SLC30A5: variants seen among roughly 807,000 people sequenced by gnomAD.
SLC30A5 encodes the protein solute carrier family 30 member 5, also known as proton-coupled zinc antiporter SLC30A5.
SLC30A5 carries 33 observed loss-of-function variants against 79.6 expected under a neutral mutation model. That is an observed-to-expected ratio of 0.41 (90% CI 0.31 to 0.55). The LOEUF is 0.55. Among genes scored for constraint, SLC30A5 ranks in the 20% least tolerant of loss-of-function variants. The pLI, the probability that SLC30A5 is intolerant of heterozygous loss-of-function variation, is 0.20. For synonymous variants in SLC30A5, 299 were observed against 319.7 expected (o/e 0.94, Z 0.69); for missense variants, 788 against 928.1 (o/e 0.85, Z 1.96).
At chr5:69,125,579 T>G (rs1746657714) in intron 14 of SLC30A5, among the ~76,000 whole-genome samples, 2 of 150,290 alleles carry the variant, frequency 1.3e-5, no homozygotes, top group Non-Finnish European at 3.0e-5. Flanking sequence ...CTCAGGCCTG[T>G]AATCCCAGCA....
intron 12 of SLC30A5, among the ~76,000 whole-genome samples, chr5:69,119,180 C>T (rs1746469666): frequency 6.6e-6 from 1 of 152,044 alleles, no homozygotes; most frequent in South Asian, 2.1e-4. Flanking sequence ...ATGTCCTTTC[C>T]TTACTTCTGC....
At chr5:69,123,863 C>T (rs1746600074) in intron 14 of SLC30A5, among the ~76,000 whole-genome samples, 1 of 151,980 alleles carries the variant, frequency 6.6e-6, no homozygotes, top group Non-Finnish European at 1.5e-5. Context: ...TCCTACTTTG[C>T]AATTATAAAG....
chr5:69,128,832 T>C (rs192305762), intron 15 of SLC30A5, among the ~76,000 whole-genome samples: 177 of 152,336 alleles, frequency 1.2e-3, no homozygotes, highest in South Asian at 2.1e-3. Context: ...ACTAAAGCCC[T>C]GTTCTAGATG....
At chr5:69,100,334 C>T (rs1318762160) in intron 1 of SLC30A5, among the ~76,000 whole-genome samples, 3 of 152,190 alleles carry the variant, frequency 2.0e-5, no homozygotes, top group South Asian at 2.1e-4. Context: ...CAGCTCACTG[C>T]AACCTCAACC....
rs1746536367 is a variant in SLC30A5 at position 69,121,684 on chromosome 5, CT to C, written c.1570-6del. ...ACTAATTTAAAGGTTTTTTTTCTCC[CT>C]TTTGCTAGCCAGTCTCAGTTGGAGG... On this transcript the variant is annotated splice_polypyrimidine_tract_variant and intron_variant, in intron 12 of 15. Coordinates refer to ENST00000396591, the MANE Select transcript of SLC30A5 (RefSeq NM_022902.5). 1 of 1,574,044 alleles carries C rather than the reference CT, an allele frequency of 6.4e-7. No homozygotes were observed. Among genetic ancestry groups the C allele is most frequent in the Non-Finnish European group, 8.6e-7 (1 of 1,161,452 alleles).
chr5:69,127,977 A>G, intron 14 of SLC30A5, 27 bp from the exon 15 acceptor site: 2 of 1,593,426 alleles, frequency 1.3e-6, no homozygotes, highest in Non-Finnish European at 1.7e-6. Flanking sequence ...CTGTATGACC[A>G]TTTATATCAC....
intron 12 of SLC30A5, among the ~76,000 whole-genome samples, chr5:69,120,224 A>G (rs1746499350): frequency 1.3e-5 from 2 of 151,846 alleles, no homozygotes; most frequent in African/African-American, 4.8e-5. Context: ...GTACTAGTGA[A>G]AAACAAATTG....
chr5:69,106,673 T>A (rs10434547), intron 4 of SLC30A5, among the ~76,000 whole-genome samples: 21,749 of 152,086 alleles, frequency 0.14, 2,150 homozygotes, highest in East Asian at 0.23. Context: ...TGGTGCTGCG[T>A]GCCTGTAATC....
rs775497193 is a variant in SLC30A5, at chr5:69,116,267, G to T, written c.1072+53G>T. ...TAACAAATTTCTATTTATGGATTTT[G>T]ATGGTCACATCATTTACTTATTTTG... is the stretch of plus-strand genomic sequence containing the variant. On this transcript the variant is annotated intron_variant, in intron 9 of 15. Transcript: ENST00000396591. The surrounding 1 kb of genome is among the most constrained non-coding windows in gnomAD (Gnocchi z 4.0). 5 of 1,517,860 alleles carry T rather than the reference G, an allele frequency of 3.3e-6. No individual in the cohort carries two copies. In the East Asian group the frequency reaches 9.2e-5, roughly 28 times the overall value. 94.0% of individuals were successfully genotyped at this position (1,517,860 alleles called of 1,614,324 possible).
At chr5:69,096,296 A>G (rs184726765) in intron 1 of SLC30A5, among the ~76,000 whole-genome samples, 13 of 152,352 alleles carry the variant, frequency 8.5e-5, no homozygotes, top group African/African-American at 3.1e-4. Context: ...GTCCAGGTAA[A>G]GGATATACTA....
Position 69,094,189 on chromosome 5 carries a change from C to G in SLC30A5, c.-67C>G. 1 of 851,200 alleles carries G rather than the reference C, an allele frequency of 1.2e-6. No homozygotes were observed. Among genetic ancestry groups the G allele is most frequent in the African/African-American group, 1.8e-5 (1 of 56,900 alleles). The allele number at this position is 851,200 out of a possible 1,614,324, so 52.7% of individuals were successfully genotyped here. A position where few individuals can be genotyped will look rare whatever the true frequency, so the allele number is the denominator to read the frequency against. Reference sequence around the variant, plus strand: ...AGTGACGCGCCTGCACCCGCTGTTCCGCGGCAGCGGCGAGACATGAGGAGA... The same window carrying G: ...AGTGACGCGCCTGCACCCGCTGTTCGGCGGCAGCGGCGAGACATGAGGAGA... On this transcript the variant is annotated 5_prime_UTR_variant, in exon 1 of 16. Transcript: ENST00000396591.
At chr5:69,105,139 T>C (rs922133880) in intron 4 of SLC30A5, among the ~76,000 whole-genome samples, 5 of 152,194 alleles carry the variant, frequency 3.3e-5, no homozygotes, top group African/African-American at 1.2e-4. Flanking sequence ...CATAAATAAA[T>C]GTCTCAGAAG....
chr5:69,121,467 C>T (rs1284243688), intron 12 of SLC30A5, among the ~76,000 whole-genome samples: 3 of 151,972 alleles, frequency 2.0e-5, no homozygotes, highest in African/African-American at 7.2e-5. Flanking sequence ...GTCCAAATTC[C>T]TCTACTTACC....
At chr5:69,112,828 A>G (rs1011192958) in intron 5 of SLC30A5, among the ~76,000 whole-genome samples, 2 of 152,162 alleles carry the variant, frequency 1.3e-5, no homozygotes, top group African/African-American at 4.8e-5. Context: ...TGGGCTTTTC[A>G]ACCAGAAGTA....
At chr5:69,117,664 G>T (rs931002543) in intron 11 of SLC30A5, among the ~76,000 whole-genome samples, 1 of 150,054 alleles carries the variant, frequency 6.7e-6, no homozygotes, top group Non-Finnish European at 1.5e-5. Context: ...ATCACCTGAG[G>T]TCAGGAGTTC....
Position 69,129,225 on chromosome 5 carries a change from T to C in SLC30A5, c.2128-222T>C, listed in dbSNP as rs1252516613. On this transcript the variant is annotated intron_variant, in intron 15 of 15. Transcript: ENST00000396591. ...TTAATACTCGCATTACGCTTACCAGTTGAGCATCCCTAATCTGAAAATCCA... is the reference window on the plus strand; with the variant it reads ...TTAATACTCGCATTACGCTTACCAGCTGAGCATCCCTAATCTGAAAATCCA... Among the ~76,000 whole-genome samples, 5 of 152,186 alleles carry C rather than the reference T, an allele frequency of 3.3e-5. No individual in the cohort carries two copies. In the East Asian group the frequency reaches 9.6e-4, roughly 29 times the overall value.
chr5:69,113,035 A>T, intron 5 of SLC30A5, 105 bp from the exon 6 acceptor site: 1 of 875,820 alleles, frequency 1.1e-6, no homozygotes, highest in South Asian at 1.7e-5. Context: ...GCATTTTTGT[A>T]AATGCTTACT....
At chr5:69,114,259 GTTTTGT>G (rs969249164) in intron 6 of SLC30A5, among the ~76,000 whole-genome samples, 155 bp from the exon 7 acceptor site, 3 of 152,134 alleles carry the variant, frequency 2.0e-5, no homozygotes, top group Admixed American at 2.0e-4. Context: ...GTTTTATTTT[GTTTTGT>G]TTTTAAGTGA....
At position 69,100,840 on chromosome 5, in the gene SLC30A5, T is replaced by C. The variant is rs767487290; in HGVS notation, c.117T>C (p.Thr39=). The C allele has an allele frequency of 1.2e-5, 19 of 1,605,882 alleles. No homozygotes were observed. The highest frequency in any genetic ancestry group is 1.6e-5 in the Non-Finnish European group (19 of 1,173,552). The part of the protein sequence containing the change: ...LTKYIVLLCF[T]KFLKAVGLFE... ...AATATATTGTGTTACTATGTTTCAC[T>C]AAATTTTTGAAGGCTGTGGGACTTT... The change falls in exon 2 of 16, where the codon ACT becomes ACC. Residue 39 remains threonine, a synonymous_variant. Transcript: ENST00000396591.
Sources: allele counts gnomAD v4.1 joint callset (sites outside exome capture counted in the v4.1 genomes callset), GRCh38; gene constraint gnomAD v4.1.1; non-coding constraint Gnocchi (gnomAD v3.1); transcripts MANE v1.5; gene names NCBI Gene and HGNC (gene_info 2026-07-23, HGNC 2026-07-21).